The following SGCZ variants were observed in gnomAD, a reference collection of about 807,000 sequenced individuals.
SGCZ encodes sarcoglycan zeta, also known as zeta-sarcoglycan.
Under a neutral mutation model 41.3 loss-of-function variants are expected in SGCZ, and 40 were observed. The ratio of observed to expected loss-of-function variants is 0.97; its 90% CI spans 0.75 to 1.26. The LOEUF (loss-of-function observed/expected upper bound fraction) is 1.26. Among genes scored for constraint, SGCZ ranks in the 50% most tolerant of loss-of-function variants. The pLI is 0.00. For synonymous variants in SGCZ, 206 were observed against 137.5 expected (o/e 1.50, Z -3.49); for missense variants, 552 against 369.8 (o/e 1.49, Z -4.04).
intron 1 of SGCZ, among the ~76,000 whole-genome samples, chr8:14,934,071 C>G (rs754831869): frequency 2.0e-5 from 3 of 151,862 alleles, no homozygotes; most frequent in Admixed American, 2.0e-4. Context: ...GAATTCATAG[C>G]CAATAATTTA....
At chr8:14,791,401 C>T (rs148628910) in intron 1 of SGCZ, among the ~76,000 whole-genome samples, 1 of 151,756 alleles carries the variant, frequency 6.6e-6, no homozygotes, top group Non-Finnish European at 1.5e-5. Context: ...TCCTGAGAAG[C>T]AAGTGGTCAG....
chr8:14,558,654 T>C (rs1446869125), intron 1 of SGCZ, among the ~76,000 whole-genome samples: 2 of 147,452 alleles, frequency 1.4e-5, no homozygotes, highest in East Asian at 2.0e-4. Flanking sequence ...ATCACCCTAA[T>C]ACCAAAACCA....
intron 1 of SGCZ, among the ~76,000 whole-genome samples, chr8:15,224,388 T>C (rs1273323634): frequency 6.6e-6 from 1 of 152,024 alleles, no homozygotes; most frequent in Non-Finnish European, 1.5e-5. Flanking sequence ...ACTTTTAATA[T>C]CCTAAGAGAA....
chr8:14,222,648 C>T (rs1315273944), intron 4 of SGCZ, among the ~76,000 whole-genome samples: 2 of 151,728 alleles, frequency 1.3e-5, no homozygotes, highest in South Asian at 2.1e-4. Flanking sequence ...TGTTTTGAAT[C>T]GAAAAATGAA....
intron 1 of SGCZ, among the ~76,000 whole-genome samples, chr8:14,815,551 T>G (rs372208899): frequency 2.0e-4 from 31 of 152,192 alleles, no homozygotes; most frequent in African/African-American, 5.8e-4. Context: ...AGACATTGTC[T>G]GCACCTATGC....
At chr8:14,431,873 T>C (rs1255849294) in intron 2 of SGCZ, among the ~76,000 whole-genome samples, 1 of 152,094 alleles carries the variant, frequency 6.6e-6, no homozygotes, top group Non-Finnish European at 1.5e-5. Flanking sequence ...GCTAAGGATA[T>C]GAATACACAG....
At chr8:14,704,764 C>T (rs192076680) in intron 1 of SGCZ, among the ~76,000 whole-genome samples, 1 of 151,956 alleles carries the variant, frequency 6.6e-6, no homozygotes, top group Admixed American at 6.6e-5. Context: ...ATGCTACTCC[C>T]TTCCTTCTAC....
intron 1 of SGCZ, among the ~76,000 whole-genome samples, chr8:14,705,140 C>A (rs889857368): frequency 6.6e-6 from 1 of 151,870 alleles, no homozygotes; most frequent in Non-Finnish European, 1.5e-5. Flanking sequence ...TTCAACACCC[C>A]TTTTTAGACC....
Position 14,402,004 on chromosome 8 carries a change from A to G in SGCZ, c.235-77800T>C, listed in dbSNP as rs547029193. Among the ~76,000 whole-genome samples, 12 of 151,960 alleles carry G rather than the reference A, an allele frequency of 7.9e-5. No individual in the cohort carries two copies. In the South Asian group the frequency reaches 2.3e-3, roughly 29 times the overall value. ...TCTAACTGGTGTGGGATGGTATCTC[A>G]TTGTGGTTTTGATTTGCATTTCTCT... On this transcript the variant is annotated intron_variant, in intron 2 of 7. Coordinates refer to ENST00000382080, the MANE Select transcript of SGCZ (RefSeq NM_139167.4).
In SGCZ at chr8:14,674,928, G is replaced by GTTTTTTT. The variant is rs201881681; in HGVS notation, c.40-120009_40-120003dup. ...GCCAATTTAACCTCTTTTCTTTTCT[G>GTTTTTTT]TTTTTTTTTTTTTTTTTTTTTTTTT... On this transcript the variant is annotated intron_variant, in intron 1 of 7. Transcript: ENST00000382080. 7.7e-4 allele frequency among the ~76,000 whole-genome samples: 55 copies of GTTTTTTT among 71,014 alleles called. 2 individuals are homozygous for GTTTTTTT. The highest frequency in any genetic ancestry group is 3.4e-3 in the East Asian group (7 of 2,056). The allele number at this position is 71,014 out of a possible 152,430, so 46.6% of individuals were successfully genotyped here. A position where few individuals can be genotyped will look rare whatever the true frequency, so the allele number is the denominator to read the frequency against.
chr8:14,650,834 T>C (rs1807374446), intron 1 of SGCZ, among the ~76,000 whole-genome samples: 1 of 152,022 alleles, frequency 6.6e-6, no homozygotes, highest in African/African-American at 2.4e-5. Flanking sequence ...GTTTATGTGG[T>C]AAAATAGAGG....
At chr8:14,942,598 C>G (rs545376493) in intron 1 of SGCZ, among the ~76,000 whole-genome samples, 1 of 152,042 alleles carries the variant, frequency 6.6e-6, no homozygotes, top group Non-Finnish European at 1.5e-5. Context: ...TGGAAAAAAA[C>G]GACTTCTGTT....
chr8:14,747,713 G>GTGTA (rs1799378949), intron 1 of SGCZ, among the ~76,000 whole-genome samples: 1 of 143,894 alleles, frequency 6.9e-6, no homozygotes, highest in East Asian at 2.0e-4. Flanking sequence ...ATTTGTGTGT[G>GTGTA]TGTGTGTGTG....
intron 5 of SGCZ, among the ~76,000 whole-genome samples, chr8:14,114,239 C>A (rs1467266284): frequency 6.6e-6 from 1 of 151,974 alleles, no homozygotes; most frequent in African/African-American, 2.4e-5. Flanking sequence ...AAAATGCTTT[C>A]TATTTTATAA....
intron 2 of SGCZ, among the ~76,000 whole-genome samples, chr8:14,413,852 T>G (rs1799425361): frequency 6.6e-6 from 1 of 151,984 alleles, no homozygotes; most frequent in Admixed American, 6.6e-5. Context: ...GAACAGAATC[T>G]TTCTTTGATT....
intron 2 of SGCZ, among the ~76,000 whole-genome samples, chr8:14,369,197 A>G (rs550216138): frequency 1.4e-4 from 21 of 152,178 alleles, no homozygotes; most frequent in African/African-American, 5.1e-4. Flanking sequence ...CTTTATAACA[A>G]AAGCAAACTC....
intron 2 of SGCZ, among the ~76,000 whole-genome samples, chr8:14,518,868 C>A (rs1802703108): frequency 7.1e-6 from 1 of 140,648 alleles, no homozygotes; most frequent in Admixed American, 7.5e-5. Flanking sequence ...ACCAGCCTGG[C>A]CAACATGGCG....
chr8:14,358,942 G>T (rs553231188), intron 2 of SGCZ, among the ~76,000 whole-genome samples: 1 of 152,072 alleles, frequency 6.6e-6, no homozygotes, highest in South Asian at 2.1e-4. Context: ...AATAAAAATG[G>T]TTATTTTTAT....
chr8:14,512,196 A>C (rs1802486244), intron 2 of SGCZ, among the ~76,000 whole-genome samples: 1 of 152,094 alleles, frequency 6.6e-6, no homozygotes, highest in African/African-American at 2.4e-5. Context: ...ATGCTTGGAA[A>C]CCTGATGGTG....
Sources: allele counts gnomAD v4.1 joint callset (sites outside exome capture counted in the v4.1 genomes callset), GRCh38; gene constraint gnomAD v4.1.1; transcripts MANE v1.5; gene names NCBI Gene and HGNC (gene_info 2026-07-23, HGNC 2026-07-21).